The following CACNA2D2 variants were observed in gnomAD, a reference collection of about 807,000 sequenced individuals.
CACNA2D2 encodes the protein calcium voltage-gated channel auxiliary subunit alpha2delta 2, also known as voltage-dependent calcium channel subunit alpha-2/delta-2.
CACNA2D2 carries 48 observed loss-of-function variants against 166.4 expected under a neutral mutation model. That is an observed-to-expected ratio of 0.29 (90% CI 0.23 to 0.37). The LOEUF (loss-of-function observed/expected upper bound fraction) is 0.37, where lower values mean the gene tolerates loss of function less well. CACNA2D2 is among the 10% of genes least tolerant of loss of function. The probability of loss-of-function intolerance (pLI) is 1.00; values close to 1 mark genes in which losing one functional copy is unlikely to be tolerated. For missense variants in CACNA2D2, 1,122 were observed against 1,433.0 expected (o/e 0.78, Z 3.50); for synonymous variants, 561 against 573.7 (o/e 0.98, Z 0.32).
intron 2 of CACNA2D2, among the ~76,000 whole-genome samples, chr3:50,462,998 C>T (rs1039448389): frequency 6.6e-6 from 1 of 152,144 alleles, no homozygotes; most frequent in Admixed American, 6.5e-5. Flanking sequence ...TGACTCCAGC[C>T]TCTGGCCTCA....
At chr3:50,489,972 C>G (rs1039134627) in intron 1 of CACNA2D2, among the ~76,000 whole-genome samples, 9 of 152,208 alleles carry the variant, frequency 5.9e-5, no homozygotes, top group African/African-American at 2.2e-4. Context: ...CCAGTTGGCC[C>G]TTGGAGACCC....
chr3:50,370,063 A>C (rs1192054174), intron 23 of CACNA2D2, among the ~76,000 whole-genome samples: 1 of 152,198 alleles, frequency 6.6e-6, no homozygotes, highest in Non-Finnish European at 1.5e-5. Flanking sequence ...GAGGGCAGGG[A>C]AAGTCAGCAG....
At chr3:50,476,533 G>A (rs1178936108) in intron 1 of CACNA2D2, among the ~76,000 whole-genome samples, 1 of 152,206 alleles carries the variant, frequency 6.6e-6, no homozygotes, top group East Asian at 1.9e-4. Context: ...CTCTGAACTT[G>A]GGGACTTCTG....
At position 50,384,931 on chromosome 3, in the gene CACNA2D2, C is replaced by T. The variant is rs58635601; in HGVS notation, c.511-594G>A. On this transcript the variant is annotated intron_variant, in intron 5 of 37. Transcript: ENST00000424201. ...CTGGGAGAGCTGGGCTGGGGGCTAC[C>T]ATTCAGATCTGCTGACCTCCAGAGG... is the stretch of plus-strand genomic sequence containing the variant. Among the ~76,000 whole-genome samples, 435 of 152,316 alleles carry T rather than the reference C, an allele frequency of 2.9e-3. 1 individual carries two copies. Among genetic ancestry groups the T allele is most frequent in the African/African-American group, 9.9e-3 (411 of 41,576 alleles).
intron 3 of CACNA2D2, among the ~76,000 whole-genome samples, chr3:50,411,892 C>T (rs1707037184): frequency 6.6e-6 from 1 of 152,196 alleles, no homozygotes; most frequent in African/African-American, 2.4e-5. Flanking sequence ...ACACTACAGT[C>T]CAGGTGCCAG....
intron 3 of CACNA2D2, among the ~76,000 whole-genome samples, chr3:50,411,093 G>A (rs1015429277): frequency 1.3e-5 from 2 of 152,292 alleles, no homozygotes; most frequent in East Asian, 1.9e-4. Flanking sequence ...TCACTGGGCT[G>A]TGGCTCCAGG....
chr3:50,370,198 G>C, intron 23 of CACNA2D2, 122 bp downstream of exon 23: 1 of 717,826 alleles, frequency 1.4e-6, no homozygotes, highest in South Asian at 1.6e-5. Context: ...GCGATGTATG[G>C]GGGCCGGGGG....
chr3:50,408,906 T>C (rs943489443), intron 3 of CACNA2D2, among the ~76,000 whole-genome samples: 3 of 152,218 alleles, frequency 2.0e-5, no homozygotes, highest in Admixed American at 6.5e-5. Flanking sequence ...TGGGGCATCG[T>C]TGCCGCCTCT....
intron 2 of CACNA2D2, among the ~76,000 whole-genome samples, chr3:50,458,897 C>T (rs1709479082): frequency 6.6e-6 from 1 of 152,222 alleles, no homozygotes; most frequent in Admixed American, 6.5e-5. Flanking sequence ...TCAGTCAGGC[C>T]TGTGCCATCC....
chr3:50,453,039 G>A (rs1709177777), intron 2 of CACNA2D2, among the ~76,000 whole-genome samples: 1 of 152,226 alleles, frequency 6.6e-6, no homozygotes, highest in South Asian at 2.1e-4. Context: ...CTTTTCCCAG[G>A]AATATGACCT....
At chr3:50,450,844 G>A (rs964989364) in intron 2 of CACNA2D2, among the ~76,000 whole-genome samples, 7 of 152,150 alleles carry the variant, frequency 4.6e-5, no homozygotes, top group African/African-American at 1.7e-4. Flanking sequence ...CAGCCACACT[G>A]GCCGATGTCA....
chr3:50,370,588 C>T (rs1008672936), intron 22 of CACNA2D2, among the ~76,000 whole-genome samples: 6 of 151,928 alleles, frequency 3.9e-5, no homozygotes, highest in Non-Finnish European at 5.9e-5. Context: ...ACTACAGCAT[C>T]GCAGGAGGAG....
At chr3:50,492,569 C>T (rs1161079866) in intron 1 of CACNA2D2, among the ~76,000 whole-genome samples, 1 of 152,212 alleles carries the variant, frequency 6.6e-6, no homozygotes, top group Non-Finnish European at 1.5e-5. Flanking sequence ...ACCAACTGGT[C>T]CCACAGTTCT....
chr3:50,457,671 A>G (rs1709420216), intron 2 of CACNA2D2, among the ~76,000 whole-genome samples: 1 of 152,162 alleles, frequency 6.6e-6, no homozygotes, highest in Admixed American at 6.5e-5. Context: ...CACTGCCTCA[A>G]CACACCTGAG....
At chr3:50,489,428 C>T (rs1016576409) in intron 1 of CACNA2D2, among the ~76,000 whole-genome samples, 1 of 152,214 alleles carries the variant, frequency 6.6e-6, no homozygotes, top group Non-Finnish European at 1.5e-5. Context: ...GGATTGTTCC[C>T]CACAACCCCC....
chr3:50,411,796 A>G (rs1384732766), intron 3 of CACNA2D2, among the ~76,000 whole-genome samples: 1 of 152,226 alleles, frequency 6.6e-6, no homozygotes, highest in Non-Finnish European at 1.5e-5. Context: ...CAGGACTCCC[A>G]GCACTGCCAG....
At chr3:50,397,341 GT>G (rs1236004791) in intron 3 of CACNA2D2, among the ~76,000 whole-genome samples, 1 of 152,236 alleles carries the variant, frequency 6.6e-6, no homozygotes, top group African/African-American at 2.4e-5. Context: ...TGTGGAAACT[GT>G]TAAACAGGCA....
intron 2 of CACNA2D2, among the ~76,000 whole-genome samples, chr3:50,464,185 T>C (rs1709718240): frequency 6.6e-6 from 1 of 152,216 alleles, no homozygotes; most frequent in Admixed American, 6.5e-5. Flanking sequence ...ACCCCAAATA[T>C]TCACCTTTCT....
intron 2 of CACNA2D2, among the ~76,000 whole-genome samples, chr3:50,454,698 A>G (rs1709270513): frequency 2.6e-5 from 4 of 152,166 alleles, no homozygotes; most frequent in Non-Finnish European, 5.9e-5. Flanking sequence ...GGTGAGCTAA[A>G]AAAAAATTTT....
Sources: allele counts gnomAD v4.1 joint callset (sites outside exome capture counted in the v4.1 genomes callset), GRCh38; gene constraint gnomAD v4.1.1; transcripts MANE v1.5; gene names NCBI Gene and HGNC (gene_info 2026-07-23, HGNC 2026-07-21).